Variants in PRSS23 observed in about 807,000 individuals in gnomAD.
The protein encoded by PRSS23 is protease, serine 23.
In PRSS23, 25 loss-of-function variants were observed where a neutral mutation model predicts 34.7. The observed-to-expected ratio is 0.72, with a 90% confidence interval of 0.53 to 1.01. The LOEUF is 1.01. Ranked by LOEUF, PRSS23 falls within the 50% of genes least tolerant of loss-of-function variation. The probability of loss-of-function intolerance (pLI) is 0.00; values close to 1 mark genes in which losing one functional copy is unlikely to be tolerated. For missense variants in PRSS23, 445 were observed against 475.6 expected, an observed-to-expected ratio of 0.94 and a Z score of 0.60; for synonymous variants, 176 against 186.6, an observed-to-expected ratio of 0.94 and a Z score of 0.46.
At chr11:86,840,306 G>A (rs1252946259) in intron 2 of PRSS23, among the ~76,000 whole-genome samples, 2 of 151,990 alleles carry the variant, frequency 1.3e-5, no homozygotes, top group African/African-American at 4.8e-5. Flanking sequence ...AAAAAAGCAG[G>A]GATTGCAATC....
chr11:86,808,792 G>T lies in PRSS23; in HGVS notation c.1149G>T (p.Gly383=), dbSNP rs376344596. The T allele has an allele frequency of 7.5e-6, 12 of 1,601,140 alleles. No individual in the cohort carries two copies. In the African/African-American group the frequency reaches 1.5e-4, roughly 20 times the overall value. The change falls in exon 2 of 2, where the codon GGG becomes GGT. Residue 383 remains glycine (G), a synonymous_variant. Transcript: ENST00000280258. ...GAAACTACCTGGATTGTAGGGAGGG[G>T]TGACACAGTGTTCCCTCCTGGCAGC... ...IKGNYLDCRE[G]
chr11:86,799,481 G>A (rs1948005228), upstream of PRSS23, among the ~76,000 whole-genome samples: 1 of 151,970 alleles, frequency 6.6e-6, no homozygotes, highest in African/African-American at 2.4e-5. Context: ...TGTGATTTTG[G>A]GCAAGTCATA....
At chr11:86,908,785 C>T (rs1948959736) in intron 2 of PRSS23, among the ~76,000 whole-genome samples, 1 of 151,956 alleles carries the variant, frequency 6.6e-6, no homozygotes, top group Admixed American at 6.6e-5. Flanking sequence ...TCATTTTCAA[C>T]TATTGTAATG....
chr11:86,863,310 T>C (rs1948628427), intron 2 of PRSS23, among the ~76,000 whole-genome samples: 2 of 152,210 alleles, frequency 1.3e-5, no homozygotes, highest in Admixed American at 6.5e-5. Context: ...TCTGATATTA[T>C]TTGAAATATC....
At chr11:86,900,781 C>CTTTTTTTTT (rs60869425) in intron 2 of PRSS23, among the ~76,000 whole-genome samples, 1 of 94,020 alleles carries the variant, frequency 1.1e-5, no homozygotes, top group African/African-American at 4.5e-5. Flanking sequence ...ATCTCTCTCT[C>CTTTTTTTTT]TTTTTTTTTT....
At chr11:86,846,433 G>T (rs934276545) in intron 2 of PRSS23, among the ~76,000 whole-genome samples, 14 of 152,274 alleles carry the variant, frequency 9.2e-5, no homozygotes, top group African/African-American at 2.4e-4. Context: ...GTCTGGAAAA[G>T]GTTCTCTAAC....
intron 2 of PRSS23, among the ~76,000 whole-genome samples, chr11:86,912,763 C>T (rs1948986050): frequency 6.6e-6 from 1 of 152,164 alleles, no homozygotes; most frequent in Non-Finnish European, 1.5e-5. Flanking sequence ...TATGGTTCAT[C>T]TCAGAGCTTG....
At chr11:86,911,608 T>C (rs1429029061) in intron 2 of PRSS23, 1 of 152,242 alleles carries the variant, frequency 6.6e-6, no homozygotes, top group Non-Finnish European at 1.5e-5. Context: ...TCACTTAGGA[T>C]AATAGCCACC....
intron 1 of PRSS23, among the ~76,000 whole-genome samples, chr11:86,794,860 TA>T (rs1210730586): frequency 3.9e-5 from 6 of 152,058 alleles, no homozygotes; most frequent in African/African-American, 1.4e-4. Flanking sequence ...GATTTTGCCC[TA>T]AAAAAACACT....
At chr11:86,915,534 T>C (rs531011598) in intron 2 of PRSS23, among the ~76,000 whole-genome samples, 1 of 148,418 alleles carries the variant, frequency 6.7e-6, no homozygotes, top group South Asian at 2.1e-4. Flanking sequence ...AGAGTCGTAA[T>C]AATAATATAT....
At chr11:86,912,975 AAAAC>A (rs1159916756) in intron 2 of PRSS23, among the ~76,000 whole-genome samples, 3 of 152,182 alleles carry the variant, frequency 2.0e-5, no homozygotes, top group African/African-American at 7.2e-5. Flanking sequence ...ATCTCTCACT[AAAAC>A]AGACACCAAG....
intron 1 of PRSS23, among the ~76,000 whole-genome samples, chr11:86,803,911 T>G (rs975132887): frequency 6.6e-6 from 1 of 152,198 alleles, no homozygotes; most frequent in Non-Finnish European, 1.5e-5. Flanking sequence ...TTCATTTTCC[T>G]TTTCCTTTTC....
intron 2 of PRSS23, among the ~76,000 whole-genome samples, chr11:86,858,629 A>C (rs1948590109): frequency 6.6e-6 from 1 of 151,520 alleles, no homozygotes; most frequent in Non-Finnish European, 1.5e-5. Flanking sequence ...ATTACTCCCA[A>C]TATTGCAGGG....
intron 2 of PRSS23, among the ~76,000 whole-genome samples, chr11:86,866,833 C>T (rs1948652524): frequency 1.3e-5 from 2 of 150,918 alleles, no homozygotes; most frequent in Non-Finnish European, 3.0e-5. Context: ...CTCTTGCTTC[C>T]TCTCTCACCA....
intron 2 of PRSS23, among the ~76,000 whole-genome samples, chr11:86,920,726 A>G (rs1036404481): frequency 6.6e-6 from 1 of 152,076 alleles, no homozygotes; most frequent in African/African-American, 2.4e-5. Flanking sequence ...TCCAGATATT[A>G]CCCCATTTCT....
At chr11:86,795,497 C>A (rs78568897) in intron 1 of PRSS23, among the ~76,000 whole-genome samples, 4,747 of 152,356 alleles carry the variant, frequency 0.031, 90 homozygotes, top group Non-Finnish European at 0.049. Context: ...CCATGGTAGG[C>A]ACCGTGGGTG....
intron 2 of PRSS23, among the ~76,000 whole-genome samples, chr11:86,839,336 C>A (rs369439551): frequency 6.6e-6 from 1 of 151,454 alleles, no homozygotes; most frequent in African/African-American, 2.4e-5. Flanking sequence ...AGCAGGAGAA[C>A]TTCATGATGC....
chr11:86,929,216 G>A (rs1949106033), intron 2 of PRSS23, among the ~76,000 whole-genome samples: 1 of 151,908 alleles, frequency 6.6e-6, no homozygotes. Flanking sequence ...AGCTACTGGG[G>A]TAGGCTGAGG....
At chr11:86,925,318 G>GTGTC (rs1949074050) in intron 2 of PRSS23, among the ~76,000 whole-genome samples, 1 of 151,244 alleles carries the variant, frequency 6.6e-6, no homozygotes, top group Non-Finnish European at 1.5e-5. Flanking sequence ...GTGTGTGTGT[G>GTGTC]TGTGTGTGTG....
Sources: allele counts gnomAD v4.1 joint callset (sites outside exome capture counted in the v4.1 genomes callset), GRCh38; gene constraint gnomAD v4.1.1; transcripts MANE v1.5; gene names NCBI Gene and HGNC (gene_info 2026-07-23, HGNC 2026-07-21).